TLE2: variants seen among roughly 807,000 people sequenced by gnomAD.
The protein encoded by TLE2 is transducin-like enhancer protein 2.
Under a neutral mutation model 97.2 loss-of-function variants are expected in TLE2, and 74 were observed. The observed-to-expected ratio is 0.76, with a 90% CI of 0.63 to 0.92. The LOEUF (loss-of-function observed/expected upper bound fraction) is 0.92, where lower values mean the gene tolerates loss of function less well. Among genes scored for constraint, TLE2 ranks in the 40% least tolerant of loss-of-function variants. TLE2 has a pLI of 0.00. For missense variants in TLE2, 1,038 were observed against 1,008.7 expected, an observed-to-expected ratio of 1.03 and a Z score of -0.39; for synonymous variants, 499 against 432.1, an observed-to-expected ratio of 1.15 and a Z score of -1.92.
intron 1 of TLE2, among the ~76,000 whole-genome samples, chr19:3,042,071 G>A (rs1178086096): frequency 6.6e-6 from 1 of 151,730 alleles, no homozygotes; most frequent in Non-Finnish European, 1.5e-5. Flanking sequence ...GCAGGGGAGT[G>A]AGGGGATTGC....
rs186702590 is a variant in TLE2 at position 2,999,015 on chromosome 19, G to A, written c.2125-1060C>T. Among the ~76,000 whole-genome samples the A allele has an allele frequency of 1.7e-3, 260 of 152,182 alleles. 3 individuals carry two copies. Among genetic ancestry groups the A allele is most frequent in the Non-Finnish European group, 3.1e-3 (208 of 68,006 alleles). On this transcript the variant is annotated intron_variant, in intron 19 of 19. Coordinates refer to ENST00000262953, the MANE Select transcript of TLE2 (RefSeq NM_003260.5). ...CTTACAACCCTTTGAAAATATAAAG[G>A]GTTGGCACGGTGGCTCGGCGCTTCC...
chr19:3,018,280 T>TG (rs1387615118), intron 7 of TLE2, among the ~76,000 whole-genome samples: 1 of 151,524 alleles, frequency 6.6e-6, no homozygotes, highest in Non-Finnish European at 1.5e-5. Context: ...TCCAGGGGCA[T>TG]GCCACCATGC....
At chr19:3,030,368 A>G (rs569708268), upstream of TLE2, among the ~76,000 whole-genome samples, 2 of 152,264 alleles carry the variant, frequency 1.3e-5, no homozygotes, top group South Asian at 4.1e-4. Flanking sequence ...CTTCAGGCCC[A>G]CCCGGGGAGT....
intron 9 of TLE2, 78 bp from the exon 10 acceptor site, chr19:3,014,692 G>C (rs756385373): frequency 3.6e-6 from 5 of 1,379,234 alleles, no homozygotes; most frequent in Non-Finnish European, 4.8e-6. Flanking sequence ...TCAGGAGTTG[G>C]AGGCATGAGC....
chr19:3,003,229 A>G (rs775897467), intron 17 of TLE2, among the ~76,000 whole-genome samples: 8 of 152,118 alleles, frequency 5.3e-5, no homozygotes, highest in Non-Finnish European at 1.0e-4. Flanking sequence ...GAGGAGGGAG[A>G]GAGGAGGGAG....
chr19:3,016,127 G>C (rs980125924), intron 8 of TLE2, among the ~76,000 whole-genome samples: 1 of 151,642 alleles, frequency 6.6e-6, no homozygotes, highest in Non-Finnish European at 1.5e-5. Context: ...ATAGAGACAG[G>C]GTTTCGCCAT....
At chr19:3,006,308 C>T in intron 15 of TLE2, 112 bp downstream of exon 15, 1 of 1,467,244 alleles carries the variant, frequency 6.8e-7, no homozygotes, top group South Asian at 1.3e-5. Flanking sequence ...CCTATAAGCC[C>T]CGCCCTTCAC....
chr19:3,005,662 C>A lies in TLE2; in HGVS notation c.1748+59G>T, dbSNP rs868048027. The A allele has an allele frequency of 8.1e-6, 13 of 1,606,414 alleles. No individual in the cohort carries two copies. In the African/African-American group the frequency reaches 1.1e-4, roughly 13 times the overall value. The stretch of plus-strand genomic sequence containing the variant: ...TCGTCCCAGGTCACACTCCTCCACT[C>A]CCCCTGCACCGAGAGCGGCCGGGGG... On this transcript the variant is annotated intron_variant, in intron 16 of 19. Transcript: ENST00000262953.
At chr19:3,023,566 C>T (rs4616404) in intron 5 of TLE2, among the ~76,000 whole-genome samples, 11,529 of 152,112 alleles carry the variant, frequency 0.076, 503 homozygotes, top group Non-Finnish European at 0.077. Context: ...CTATCTTTCA[C>T]GTCTCTCTGA....
intron 7 of TLE2, among the ~76,000 whole-genome samples, chr19:3,018,208 T>C (rs1370713347): frequency 2.0e-5 from 3 of 152,112 alleles, no homozygotes; most frequent in African/African-American, 4.8e-5. Context: ...CACAGTTCAC[T>C]GCAGCCTCGA....
rs771823285 is a variant in TLE2, at chr19:3,002,402, C to G, written c.1998G>C (p.Gln666His). 6.2e-7 allele frequency: 1 copy of G among 1,613,784 alleles called. No homozygotes were observed. Among genetic ancestry groups the G allele is most frequent in the Non-Finnish European group, 8.5e-7 (1 of 1,179,856 alleles). The change falls in exon 18 of 20, where the codon CAG becomes CAC. Residue 666 changes from glutamine to histidine, a missense_variant. By Grantham distance (24) the Gln-to-His change is conservative (BLOSUM62 0). Transcript: ENST00000262953. ...ILHVRKPEKY[Q>H]LHLHESCVLS... The stretch of plus-strand genomic sequence containing the variant: ...GCACGCAGCTCTCGTGGAGGTGCAG[C>G]TGGTATTTCTCCGGCTTGCGGACGT...
At chr19:3,016,687 G>A (rs1458061900) in intron 8 of TLE2, among the ~76,000 whole-genome samples, 3 of 152,060 alleles carry the variant, frequency 2.0e-5, no homozygotes, top group East Asian at 1.9e-4. Context: ...ATTGCTGAAC[G>A]GCTGATGGCT....
chr19:3,024,380 T>C (rs1288390925), intron 5 of TLE2, among the ~76,000 whole-genome samples: 1 of 151,940 alleles, frequency 6.6e-6, no homozygotes, highest in Non-Finnish European at 1.5e-5. Context: ...TGTGCAGCCA[T>C]CCCCAGCACC....
intron 19 of TLE2, among the ~76,000 whole-genome samples, chr19:2,998,204 G>T (rs1429770035): frequency 6.6e-6 from 1 of 151,088 alleles, no homozygotes; most frequent in African/African-American, 2.4e-5. Flanking sequence ...CCAAATAGCT[G>T]GGATTATAGG....
rs1366009355 is a variant in TLE2 at position 3,029,214 on chromosome 19, G to C, written c.-310C>G. ...CAGAAGGTCGGGCGCGCCGCGGCCG[G>C]GTTTCGGTGGCGGCGGCGCGGGCGG... On this transcript the variant is annotated 5_prime_UTR_variant, in exon 1 of 20. Coordinates refer to ENST00000262953, the MANE Select transcript of TLE2 (RefSeq NM_003260.5). The C allele has an allele frequency of 2.3e-6, 1 of 433,542 alleles. No individual in the cohort carries two copies. The highest frequency in any genetic ancestry group is 3.0e-6 in the Non-Finnish European group (1 of 328,996). 26.9% of individuals were successfully genotyped at this position (433,542 alleles called of 1,614,324 possible).
upstream of TLE2, chr19:3,029,564 GGGGGGCTTGCGGGGAGC>G: frequency 2.5e-6 from 2 of 801,570 alleles, no homozygotes; most frequent in Non-Finnish European, 3.0e-6. Context: ...GGAGCGGGGG[GGGGGGCTTGCGGGGAGC>G]GGGGACCAGT....
intron 8 of TLE2, among the ~76,000 whole-genome samples, chr19:3,017,452 CTTT>C (rs529847551): frequency 3.2e-5 from 4 of 123,810 alleles, no homozygotes; most frequent in Non-Finnish European, 4.9e-5. Flanking sequence ...TTCTTTCTTT[CTTT>C]TTTTTTTTTT....
At chr19:3,026,825 G>C (rs2089953685) in intron 4 of TLE2, among the ~76,000 whole-genome samples, 2 of 151,550 alleles carry the variant, frequency 1.3e-5, no homozygotes, top group African/African-American at 4.9e-5. Context: ...GTCTATCTCT[G>C]AACCCTGAGG....
intron 7 of TLE2, among the ~76,000 whole-genome samples, 200 bp from the exon 8 acceptor site, chr19:3,018,059 T>C (rs187345778): frequency 5.9e-5 from 9 of 151,382 alleles, no homozygotes; most frequent in Admixed American, 4.0e-4. Flanking sequence ...CAGAGAGGGA[T>C]AGTGACTTGC....
Sources: gnomAD v4.1 joint callset for allele counts (sites outside exome capture counted in the v4.1 genomes callset) on GRCh38, gnomAD v4.1.1 for gene constraint, MANE v1.5 for transcripts, NCBI Gene and HGNC (gene_info 2026-07-23, HGNC 2026-07-21) for gene names.